Variants in TBPL1 observed in about 807,000 individuals in gnomAD.
TBPL1 encodes the protein TATA-box binding protein like 1.
TBPL1 carries 4 observed loss-of-function variants against 22.1 expected under a neutral mutation model. The observed-to-expected ratio is 0.18, with a 90% CI of 0.09 to 0.41. TBPL1 has a LOEUF of 0.41. Ranked by LOEUF, TBPL1 falls within the 10% of genes least tolerant of loss-of-function variation. TBPL1 has a pLI of 1.00. For synonymous variants in TBPL1, 64 were observed against 71.0 expected, an observed-to-expected ratio of 0.90 and a Z score of 0.50; for missense variants, 115 against 222.3, an observed-to-expected ratio of 0.52 and a Z score of 3.07.
chr6:133,972,922 A>G (rs1198872004), intron 1 of TBPL1, among the ~76,000 whole-genome samples: 1 of 152,180 alleles, frequency 6.6e-6, no homozygotes, highest in Non-Finnish European at 1.5e-5. Flanking sequence ...AGATGAGAAA[A>G]TGAGGATTTA....
intron 1 of TBPL1, among the ~76,000 whole-genome samples, chr6:133,965,644 C>T (rs1301699235): frequency 6.6e-6 from 1 of 151,098 alleles, no homozygotes; most frequent in African/African-American, 2.4e-5. Context: ...AAATTTAGTG[C>T]TTTTTTCAGT....
rs1326694078 is a variant in TBPL1, at chr6:133,988,851, T to C, written c.*1811T>C. 2.0e-5 allele frequency: 3 copies of C among 152,188 alleles called. No individual in the cohort carries two copies. Among genetic ancestry groups the C allele is most frequent in the Admixed American group, 1.3e-4 (2 of 15,264 alleles). 9.4% of individuals were successfully genotyped at this position (152,188 alleles called of 1,614,324 possible). ...TGTTTTAAAGACTTGACATTTTTCATTTAGTTTTAATTAACAGTAATAAGT... is the reference window on the plus strand; with the variant it reads ...TGTTTTAAAGACTTGACATTTTTCACTTAGTTTTAATTAACAGTAATAAGT... On this transcript the variant is annotated 3_prime_UTR_variant, in exon 7 of 7. Transcript: ENST00000237264.
intron 1 of TBPL1, among the ~76,000 whole-genome samples, chr6:133,953,895 G>T (rs1562653034): frequency 6.6e-6 from 1 of 152,108 alleles, no homozygotes; most frequent in Non-Finnish European, 1.5e-5. Flanking sequence ...CCAAAAAGCG[G>T]CTTCGTCGGT....
intron 6 of TBPL1, among the ~76,000 whole-genome samples, chr6:133,985,306 ATATAT>A (rs1776497023): frequency 1.8e-5 from 1 of 57,030 alleles, no homozygotes; most frequent in Non-Finnish European, 3.4e-5. Context: ...AAATATATAT[ATATAT>A]ATATATATAT....
intron 6 of TBPL1, among the ~76,000 whole-genome samples, chr6:133,985,006 T>A (rs1776482088): frequency 6.6e-6 from 1 of 151,844 alleles, no homozygotes; most frequent in Non-Finnish European, 1.5e-5. Context: ...GTAGGCCAGG[T>A]GCATTGGTTC....
At chr6:133,970,040 T>G (rs1426667820) in intron 1 of TBPL1, among the ~76,000 whole-genome samples, 2 of 152,240 alleles carry the variant, frequency 1.3e-5, no homozygotes, top group African/African-American at 4.8e-5. Context: ...AACTGTTGGT[T>G]AATTATCTAG....
At chr6:133,963,806 G>A (rs1011808942) in intron 1 of TBPL1, among the ~76,000 whole-genome samples, 12 of 151,778 alleles carry the variant, frequency 7.9e-5, no homozygotes, top group East Asian at 2.0e-4. Context: ...TGAGGCGGGC[G>A]GATCACAAGG....
rs1776603647 is a variant in TBPL1 at position 133,990,324 on chromosome 6, T to C, written c.*3284T>C. Reference sequence around the variant, plus strand: ...GCTTTTCTAGGCTTGACTTAATAACTTCAACCTAATTGCTTAGAGATTTGG... The same window carrying C: ...GCTTTTCTAGGCTTGACTTAATAACCTCAACCTAATTGCTTAGAGATTTGG... On this transcript the variant is annotated 3_prime_UTR_variant, in exon 7 of 7. Transcript: ENST00000237264. The C allele has an allele frequency of 6.6e-6, 1 of 152,638 alleles. No individual in the cohort carries two copies. The highest frequency in any genetic ancestry group is 2.1e-4 in the South Asian group (1 of 4,832). 9.5% of individuals were successfully genotyped at this position (152,638 alleles called of 1,614,324 possible).
chr6:133,986,394 A>C (rs886421674), intron 6 of TBPL1, among the ~76,000 whole-genome samples: 1 of 152,218 alleles, frequency 6.6e-6, no homozygotes, highest in African/African-American at 2.4e-5. Context: ...GTCACCTCGT[A>C]GCCTTGTGCT....
upstream of TBPL1, among the ~76,000 whole-genome samples, chr6:133,952,962 CCA>C (rs1024577229): frequency 2.0e-5 from 3 of 152,144 alleles, no homozygotes; most frequent in Non-Finnish European, 2.9e-5. The surrounding 1 kb of genome is among the most constrained non-coding windows in gnomAD (Gnocchi z 4.5). Context: ...AGTCCGATGC[CCA>C]TTAGCGCCGC....
chr6:133,961,598 G>T (rs1776025924), intron 1 of TBPL1, among the ~76,000 whole-genome samples: 1 of 151,392 alleles, frequency 6.6e-6, no homozygotes, highest in Admixed American at 6.6e-5. Flanking sequence ...CTCCTGGGTA[G>T]CTGGGATTAC....
intron 1 of TBPL1, among the ~76,000 whole-genome samples, chr6:133,962,021 C>T (rs576441932): frequency 6.6e-6 from 1 of 152,050 alleles, no homozygotes; most frequent in African/African-American, 2.4e-5. Flanking sequence ...ACTAAATATG[C>T]AATTATGCGT....
intron 4 of TBPL1, among the ~76,000 whole-genome samples, chr6:133,984,019 T>A (rs1776463428): frequency 6.6e-6 from 1 of 152,208 alleles, no homozygotes; most frequent in South Asian, 2.1e-4. Flanking sequence ...TTTTCCATTT[T>A]TACTCTAGCA....
At chr6:133,968,791 T>C (rs1776167571) in intron 1 of TBPL1, 1 of 152,212 alleles carries the variant, frequency 6.6e-6, no homozygotes, top group Admixed American at 6.5e-5. Flanking sequence ...TGCCTCAGCC[T>C]CCGCAGTAGC....
intron 2 of TBPL1, among the ~76,000 whole-genome samples, chr6:133,980,504 C>T (rs964363580): frequency 2.0e-5 from 3 of 152,004 alleles, no homozygotes; most frequent in African/African-American, 7.3e-5. Context: ...TTTTATTGCT[C>T]TCTCAATTTA....
intron 6 of TBPL1, among the ~76,000 whole-genome samples, chr6:133,985,307 T>A (rs1343194401): frequency 0.11 from 3,134 of 27,716 alleles, 791 homozygotes; most frequent in African/African-American, 0.16. Flanking sequence ...AATATATATA[T>A]ATATATATAT....
In TBPL1 at chr6:133,987,681, A is replaced by G. The variant is rs1776558085; in HGVS notation, c.*641A>G. 1 of 140,392 alleles carries G rather than the reference A, an allele frequency of 7.1e-6. No individual in the cohort carries two copies. Among genetic ancestry groups the G allele is most frequent in the Admixed American group, 7.3e-5 (1 of 13,694 alleles). 8.7% of individuals were successfully genotyped at this position (140,392 alleles called of 1,614,324 possible). ...ATATATATATATGCACCACATGTGTATAGTATCTTTTAATGCTCTGTTACC... is the reference window on the plus strand; with the variant it reads ...ATATATATATATGCACCACATGTGTGTAGTATCTTTTAATGCTCTGTTACC... On this transcript the variant is annotated 3_prime_UTR_variant, in exon 7 of 7. Coordinates refer to ENST00000237264, the MANE Select transcript of TBPL1 (RefSeq NM_004865.4).
intron 1 of TBPL1, among the ~76,000 whole-genome samples, chr6:133,966,772 A>C (rs76134703): frequency 6.6e-6 from 1 of 151,710 alleles, no homozygotes; most frequent in Non-Finnish European, 1.5e-5. Context: ...TGTTCACTCT[A>C]TCTCTTAAAA....
intron 1 of TBPL1, among the ~76,000 whole-genome samples, chr6:133,977,052 A>G (rs1295908719): frequency 6.6e-6 from 1 of 152,134 alleles, no homozygotes; most frequent in Non-Finnish European, 1.5e-5. Flanking sequence ...GAAAAGGGAT[A>G]TAATATGTTT....
Sources: allele counts gnomAD v4.1 joint callset (sites outside exome capture counted in the v4.1 genomes callset), GRCh38; gene constraint gnomAD v4.1.1; non-coding constraint Gnocchi (gnomAD v3.1); transcripts MANE v1.5; gene names NCBI Gene and HGNC (gene_info 2026-07-23, HGNC 2026-07-21).